The following CREB3L3 variants were observed in gnomAD, a reference collection of about 807,000 sequenced individuals.
The protein encoded by CREB3L3 is cyclic AMP-responsive element-binding protein 3-like protein 3.
CREB3L3 carries 40 observed loss-of-function variants against 44.6 expected under a neutral mutation model. That is an observed-to-expected ratio of 0.90 (90% confidence interval 0.70 to 1.17). The LOEUF (loss-of-function observed/expected upper bound fraction) is 1.17, where lower values mean the gene tolerates loss of function less well. CREB3L3 is among the 50% of genes most tolerant of loss of function. The pLI is 0.00. For synonymous variants in CREB3L3, 273 were observed against 256.3 expected (o/e 1.06, Z -0.62); for missense variants, 578 against 595.8 (o/e 0.97, Z 0.31).
At chr19:4,163,870 T>C (rs573067504) in intron 4 of CREB3L3, among the ~76,000 whole-genome samples, 1 of 149,930 alleles carries the variant, frequency 6.7e-6, no homozygotes, top group African/African-American at 2.5e-5. Context: ...AGTGGTGTGA[T>C]CTGGGCTCAC....
chr19:4,170,118 C>G (rs201150547), intron 6 of CREB3L3, 22 bp from the exon 7 acceptor site: 2 of 1,612,986 alleles, frequency 1.2e-6, no homozygotes, highest in East Asian at 2.2e-5. Context: ...TGCTGAATGT[C>G]GATGCGTCTT....
At chr19:4,161,905 A>G (rs1461216322) in intron 4 of CREB3L3, among the ~76,000 whole-genome samples, 1 of 152,214 alleles carries the variant, frequency 6.6e-6, no homozygotes, top group Non-Finnish European at 1.5e-5. Flanking sequence ...CTGCAGATCC[A>G]GGAAGGCTTC....
In CREB3L3 at chr19:4,161,042, G is replaced by A. The variant is rs376152341; in HGVS notation, c.576+1260G>A. On this transcript the variant is annotated intron_variant, in intron 4 of 9. Coordinates refer to ENST00000078445, the MANE Select transcript of CREB3L3 (RefSeq NM_032607.3). ...TTCTCCTGCCTCAGCCTCCCGAGTAGCTGGGACTACAGGCGCCCGCCACCA... is the reference window on the plus strand; with the variant it reads ...TTCTCCTGCCTCAGCCTCCCGAGTAACTGGGACTACAGGCGCCCGCCACCA... 2.0e-4 allele frequency among the ~76,000 whole-genome samples: 31 copies of A among 152,002 alleles called. 1 individual carries two copies. In the South Asian group the frequency reaches 6.6e-3, roughly 32 times the overall value.
intron 6 of CREB3L3, 96 bp downstream of exon 6, chr19:4,168,553 A>C: frequency 1.1e-6 from 1 of 924,480 alleles, no homozygotes; most frequent in South Asian, 1.4e-5. Context: ...AGAGTCTGAC[A>C]AAATTGGAGG....
At chr19:4,153,903 G>A (rs1599327337) in intron 1 of CREB3L3, 129 bp downstream of exon 1, 1 of 1,094,992 alleles carries the variant, frequency 9.1e-7, no homozygotes, top group East Asian at 2.5e-5. Context: ...CCAGAGAAAG[G>A]ATGCAATGAG....
rs74827140 is a variant in CREB3L3, at chr19:4,172,836, AACAG to A, written c.*878_*881del. The A allele has an allele frequency of 0.023, 3,648 of 158,736 alleles. 153 individuals carry two copies. The highest frequency in any genetic ancestry group is 0.18 in the East Asian group (949 of 5,226). The allele number at this position is 158,736 out of a possible 1,614,324, so 9.8% of individuals were successfully genotyped here. On this transcript the variant is annotated 3_prime_UTR_variant, in exon 10 of 10. Transcript: ENST00000078445. ...GCAGACGTAGTCTGAAACAGACCTG[AACAG>A]ACAGACAGACGCACACACACAACAG...
At position 4,164,494 on chromosome 19, in the gene CREB3L3, T is replaced by C. The variant is rs1244675609; in HGVS notation, c.577-9T>C. ...GCACCCGCCGTCATTCCTCTGATTT[T>C]TTCCGTAGCAACAGCATCACCTGGG... is the stretch of plus-strand genomic sequence containing the variant. On this transcript the variant is annotated splice_polypyrimidine_tract_variant and intron_variant, in intron 4 of 9. Transcript: ENST00000078445. 1 of 1,613,930 alleles carries C rather than the reference T, an allele frequency of 6.2e-7. No individual in the cohort carries two copies. Among genetic ancestry groups the C allele is most frequent in the South Asian group, 1.1e-5 (1 of 91,078 alleles).
chr19:4,165,532 T>C (rs1022375962), intron 5 of CREB3L3, among the ~76,000 whole-genome samples: 1 of 151,988 alleles, frequency 6.6e-6, no homozygotes, highest in Non-Finnish European at 1.5e-5. Context: ...AATTGCTTGA[T>C]AATGTTTTTC....
At chr19:4,169,584 CTTTT>C (rs34259250) in intron 6 of CREB3L3, among the ~76,000 whole-genome samples, 1 of 95,140 alleles carries the variant, frequency 1.1e-5, no homozygotes, top group South Asian at 3.7e-4. Context: ...GGAGGCTCAG[CTTTT>C]TTTTTTTTTT....
intron 2 of CREB3L3, among the ~76,000 whole-genome samples, chr19:4,155,751 CTT>C (rs34277649): frequency 1.5e-5 from 2 of 136,226 alleles, no homozygotes. Context: ...CTTTTACTCT[CTT>C]TTTTTTTTTT....
intron 1 of CREB3L3, among the ~76,000 whole-genome samples, chr19:4,154,666 A>G: frequency 6.6e-6 from 1 of 152,080 alleles, no homozygotes; most frequent in East Asian, 1.9e-4. Flanking sequence ...GAGCCACCAC[A>G]TCCAGCCTCT....
At chr19:4,155,192 G>A (rs1181092569) in intron 2 of CREB3L3, among the ~76,000 whole-genome samples, 165 bp downstream of exon 2, 2 of 152,142 alleles carry the variant, frequency 1.3e-5, no homozygotes, top group South Asian at 2.1e-4. Context: ...ATCATTTAGC[G>A]GGTAGCATCA....
At position 4,172,318 on chromosome 19, in the gene CREB3L3, AACAG is replaced by A. The variant is rs796654166; in HGVS notation, c.*361_*364del. 38 of 379,352 alleles carry A rather than the reference AACAG, an allele frequency of 1.0e-4. No homozygotes were observed. Among genetic ancestry groups the A allele is most frequent in the South Asian group, 4.7e-4 (17 of 36,214 alleles). The allele number at this position is 379,352 out of a possible 1,614,324, so 23.5% of individuals were successfully genotyped here. A position where few individuals can be genotyped will look rare whatever the true frequency, so the allele number is the denominator to read the frequency against. On this transcript the variant is annotated 3_prime_UTR_variant, in exon 10 of 10. Coordinates refer to ENST00000078445, the MANE Select transcript of CREB3L3 (RefSeq NM_032607.3). ...ACACAGCCTGAAACAGACCCAGACA[AACAG>A]ACAGACAGACACAGCCTGAAACAGA...
At position 4,171,515 on chromosome 19, in the gene CREB3L3, C is replaced by G. The variant is rs780136044; in HGVS notation, c.1072+36C>G. ...CCCACCTTTGAAACCCTTGTCTGGT[C>G]TCCCCAAGTCCCCGTCCTGGGCCTC... On this transcript the variant is annotated intron_variant, in intron 9 of 9. Transcript: ENST00000078445. This position sits in a 1 kb window ranked among gnomAD's most constrained non-coding sequence, Gnocchi z 4.9. 2.7e-5 allele frequency: 44 copies of G among 1,609,312 alleles called. No homozygotes were observed. The highest frequency in any genetic ancestry group is 3.6e-5 in the Non-Finnish European group (42 of 1,175,808).
At chr19:4,164,855 T>G (rs1016574150) in intron 5 of CREB3L3, among the ~76,000 whole-genome samples, 1 of 150,126 alleles carries the variant, frequency 6.7e-6, no homozygotes, top group African/African-American at 2.4e-5. Flanking sequence ...ATTACAGCCA[T>G]GCGCCACCAC....
rs34259250 is a variant in CREB3L3, at chr19:4,169,584, C to CTTTTT, written c.822-536_822-532dup. Among the ~76,000 whole-genome samples the CTTTTT allele has an allele frequency of 3.4e-4, 32 of 95,136 alleles. 1 individual carries two copies. Among genetic ancestry groups the CTTTTT allele is most frequent in the East Asian group, 6.0e-4 (2 of 3,330 alleles). 62.4% of individuals were successfully genotyped at this position (95,136 alleles called of 152,430 possible). A position where few individuals can be genotyped will look rare whatever the true frequency, so the allele number is the denominator to read the frequency against. The stretch of plus-strand genomic sequence containing the variant: ...CACTGCCTGAATCTAGGAGGCTCAG[C>CTTTTT]TTTTTTTTTTTTTTTTTTTTTTTTG... On this transcript the variant is annotated intron_variant, in intron 6 of 9. Transcript: ENST00000078445.
At chr19:4,168,278 C>T (rs371999686) in intron 5 of CREB3L3, 73 bp from the exon 6 acceptor site, 18 of 1,174,000 alleles carry the variant, frequency 1.5e-5, no homozygotes, top group Middle Eastern at 2.5e-4. Flanking sequence ...GGATTACAGG[C>T]GAGAGCTACT....
intron 4 of CREB3L3, 136 bp downstream of exon 4, chr19:4,159,918 C>T (rs1021423042): frequency 1.5e-6 from 1 of 665,836 alleles, no homozygotes; most frequent in African/African-American, 1.8e-5. Flanking sequence ...CAGTTAGAGA[C>T]CATTCCAGTC....
rs111666106 is a variant in CREB3L3 at position 4,156,977 on chromosome 19, C to G, written c.157-18C>G. On this transcript the variant is annotated intron_variant, in intron 2 of 9. Coordinates refer to ENST00000078445, the MANE Select transcript of CREB3L3 (RefSeq NM_032607.3). ...TGAGCACTTCCTAATTCCTACTACC[C>G]CTCCCTGTCCACCCCAGCAGGTCCT... 50 of 1,613,692 alleles carry G rather than the reference C, an allele frequency of 3.1e-5. No homozygotes were observed. The African/African-American group carries it at 4.9e-4, about 16-fold the overall frequency.
Sources: gnomAD v4.1 joint callset for allele counts (sites outside exome capture counted in the v4.1 genomes callset) on GRCh38, gnomAD v4.1.1 for gene constraint, Gnocchi (gnomAD v3.1) non-coding constraint, MANE v1.5 for transcripts, NCBI Gene and HGNC (gene_info 2026-07-23, HGNC 2026-07-21) for gene names.